The following ZNF45 variants were observed in gnomAD, a reference collection of about 807,000 sequenced individuals.
ZNF45 encodes the protein zinc finger protein 45.
Under a neutral mutation model 12.0 loss-of-function variants are expected in ZNF45, and 4 were observed. That is an observed-to-expected ratio of 0.33 (90% confidence interval 0.16 to 0.76). ZNF45 has a LOEUF of 0.76. Ranked by LOEUF, ZNF45 falls within the 30% of genes least tolerant of loss-of-function variation. The pLI, the probability that ZNF45 is intolerant of heterozygous loss-of-function variation, is 0.60. For synonymous variants in ZNF45, 272 were observed against 279.6 expected, an observed-to-expected ratio of 0.97 and a Z score of 0.27; for missense variants, 700 against 813.0, an observed-to-expected ratio of 0.86 and a Z score of 1.69.
At chr19:43,920,664 G>A (rs953839352) in intron 7 of ZNF45, among the ~76,000 whole-genome samples, 7 of 139,240 alleles carry the variant, frequency 5.0e-5, no homozygotes, top group East Asian at 4.5e-4. Context: ...GCAGTGGTAC[G>A]ATCTTAGCTC....
intron 9 of ZNF45, among the ~76,000 whole-genome samples, chr19:43,916,384 AGGATTATAGC>A (rs1972679411): frequency 6.6e-6 from 1 of 152,130 alleles, no homozygotes; most frequent in Non-Finnish European, 1.5e-5. Context: ...TCAAAGTGTT[AGGATTATAGC>A]TGTGAGCCCC....
intron 6 of ZNF45, among the ~76,000 whole-genome samples, chr19:43,923,060 A>C (rs143587312): frequency 1.3e-5 from 2 of 152,200 alleles, no homozygotes; most frequent in East Asian, 3.9e-4. Flanking sequence ...TCCTGAGCTC[A>C]AGTGATCCTC....
chr19:43,920,853 C>T (rs904631618), intron 7 of ZNF45, among the ~76,000 whole-genome samples: 2 of 152,060 alleles, frequency 1.3e-5, no homozygotes, highest in East Asian at 1.9e-4. Context: ...CCACCTGTCT[C>T]GGCCTCAGAA....
At chr19:43,919,007 G>A in intron 8 of ZNF45, 45 bp from the exon 9 acceptor site, 1 of 1,516,902 alleles carries the variant, frequency 6.6e-7, no homozygotes, top group Non-Finnish European at 9.1e-7. Context: ...TACATCAGAA[G>A]CCAAAATTAC....
rs1972355750 is a variant in ZNF45 at position 43,913,368 on chromosome 19, T to C, written c.*19A>G. Reference sequence around the variant, plus strand: ...TTATTAAAATATTTCAGCACCCATCTGAGATAGTAAAACATATTTTATCGA... The same window carrying C: ...TTATTAAAATATTTCAGCACCCATCCGAGATAGTAAAACATATTTTATCGA... On this transcript the variant is annotated 3_prime_UTR_variant, in exon 10 of 10. Coordinates refer to ENST00000269973, the MANE Select transcript of ZNF45 (RefSeq NM_003425.4). The C allele has an allele frequency of 6.6e-7, 1 of 1,523,520 alleles. No individual in the cohort carries two copies. Among genetic ancestry groups the C allele is most frequent in the Non-Finnish European group, 8.8e-7 (1 of 1,137,074 alleles). The allele number at this position is 1,523,520 out of a possible 1,614,324, so 94.4% of individuals were successfully genotyped here. A position where few individuals can be genotyped will look rare whatever the true frequency, so the allele number is the denominator to read the frequency against.
rs563027527 is a variant in ZNF45 at position 43,934,411 on chromosome 19, C to T, written c.-487+15G>A. On this transcript the variant is annotated intron_variant, in intron 2 of 9. Coordinates refer to ENST00000269973, the MANE Select transcript of ZNF45 (RefSeq NM_003425.4). ...AACACTTCTGTAGCAGAAACATTTG[C>T]AAGGAATGAAATACCTTCTCGCACT... 1 of 152,322 alleles carries T rather than the reference C, an allele frequency of 6.6e-6. No individual in the cohort carries two copies. Among genetic ancestry groups the T allele is most frequent in the South Asian group, 2.1e-4 (1 of 4,832 alleles). The allele number at this position is 152,322 out of a possible 1,614,324, so 9.4% of individuals were successfully genotyped here.
chr19:43,934,705 CAGAA>C lies in ZNF45; in HGVS notation c.-755-15_-755-12del, dbSNP rs1163234462. 3.3e-5 allele frequency: 5 copies of C among 152,186 alleles called. No homozygotes were observed. In the South Asian group the frequency reaches 8.3e-4, roughly 25 times the overall value. 9.4% of individuals were successfully genotyped at this position (152,186 alleles called of 1,614,324 possible). On this transcript the variant is annotated splice_polypyrimidine_tract_variant and intron_variant, in intron 1 of 9. Coordinates refer to ENST00000269973, the MANE Select transcript of ZNF45 (RefSeq NM_003425.4). ...GAACAGCCTCCTTTCCTGCAGGAAT[CAGAA>C]AGAAGAGCCAGGCGCTTGCTGAAAA...
At chr19:43,934,188 T>C (rs1428841156) in intron 2 of ZNF45, among the ~76,000 whole-genome samples, 2 of 152,212 alleles carry the variant, frequency 1.3e-5, no homozygotes, top group African/African-American at 4.8e-5. Context: ...TCCTCATCTG[T>C]ATAATTGGTG....
In ZNF45 at chr19:43,921,219, A is replaced by G. The variant is rs116640164; in HGVS notation, c.15+952T>C. On this transcript the variant is annotated intron_variant, in intron 7 of 9. Transcript: ENST00000269973. ...ATGTGAAACTAAGCAACTTTCCACAATTCTACAGTCTTGTTTCTTTGTAAT... is the reference window on the plus strand; with the variant it reads ...ATGTGAAACTAAGCAACTTTCCACAGTTCTACAGTCTTGTTTCTTTGTAAT... 7.0e-3 allele frequency among the ~76,000 whole-genome samples: 1,072 copies of G among 152,346 alleles called. 4 individuals carry two copies. The highest frequency in any genetic ancestry group is 0.023 in the African/African-American group (973 of 41,574).
chr19:43,922,830 T>TTG (rs1555747350), intron 6 of ZNF45, among the ~76,000 whole-genome samples: 3 of 141,764 alleles, frequency 2.1e-5, no homozygotes, highest in East Asian at 2.1e-4. Context: ...GTTTTTTTTT[T>TTG]TTTTTTTTTT....
chr19:43,920,548 C>A (rs1458422590), intron 7 of ZNF45, among the ~76,000 whole-genome samples: 1 of 35,288 alleles, frequency 2.8e-5, no homozygotes, highest in East Asian at 1.1e-3. Context: ...GGGGGGGGGG[C>A]AGTGGGCGGT....
At position 43,924,423 on chromosome 19, in the gene ZNF45, A is replaced by G. The variant is rs574818009; in HGVS notation, c.-127T>C. On this transcript the variant is annotated 5_prime_UTR_variant, in exon 5 of 10. The change abolishes the stop of an existing upstream ORF in the 5' untranslated region. Coordinates refer to ENST00000269973, the MANE Select transcript of ZNF45 (RefSeq NM_003425.4). ...GTACCTGGCATTTTAGGGAGTTCTC[A>G]ACAGATGATAATGACGACAATTGTA... is the stretch of plus-strand genomic sequence containing the variant. 6.6e-6 allele frequency: 1 copy of G among 152,234 alleles called. No homozygotes were observed. Among genetic ancestry groups the G allele is most frequent in the African/African-American group, 2.4e-5 (1 of 41,456 alleles). 9.4% of individuals were successfully genotyped at this position (152,234 alleles called of 1,614,324 possible).
intron 6 of ZNF45, among the ~76,000 whole-genome samples, chr19:43,923,578 G>C (rs905304242): frequency 1.3e-5 from 2 of 152,032 alleles, no homozygotes; most frequent in Non-Finnish European, 2.9e-5. Flanking sequence ...TGTGGATAAG[G>C]GGGGACTACT....
chr19:43,917,857 C>T (rs921997130), intron 9 of ZNF45, among the ~76,000 whole-genome samples: 4 of 152,222 alleles, frequency 2.6e-5, no homozygotes, highest in Non-Finnish European at 5.9e-5. Context: ...AGGGCAATTT[C>T]CCTATTTTGC....
At chr19:43,923,921 G>C (rs905134995) in intron 6 of ZNF45, among the ~76,000 whole-genome samples, 4 of 141,480 alleles carry the variant, frequency 2.8e-5, no homozygotes, top group African/African-American at 1.1e-4. Flanking sequence ...TTGAGGCCAA[G>C]AGTTCAAGAC....
At position 43,914,322 on chromosome 19, in the gene ZNF45, C is replaced by G; in HGVS notation, c.1114G>C (p.Gly372Arg). 6.2e-7 allele frequency: 1 copy of G among 1,610,696 alleles called. No individual in the cohort carries two copies. The highest frequency in any genetic ancestry group is 2.2e-5 in the East Asian group (1 of 44,562). ...ATCTGATGGGCCTGAAGGTGTGAAC[C>G]CACACTGAAACCTTTCCCACACTCC... ...CEECGKGFSV[G>R]SHLQAHQISH... Residue 372 changes from glycine (G) to arginine (R), a missense_variant, in exon 10 of 10, where the codon GGT becomes CGT. Gly to Arg is a moderately radical substitution (Grantham distance 125). Coordinates refer to ENST00000269973, the MANE Select transcript of ZNF45 (RefSeq NM_003425.4).
At chr19:43,925,177 G>C (rs1239115178) in intron 4 of ZNF45, 148 bp downstream of exon 4, 1 of 152,224 alleles carries the variant, frequency 6.6e-6, no homozygotes, top group Non-Finnish European at 1.5e-5. Context: ...GAACCAGTAA[G>C]AGTGGCCTCA....
intron 7 of ZNF45, among the ~76,000 whole-genome samples, chr19:43,920,535 T>TGGGGGGGGGGGG (rs386389071): frequency 4.5e-5 from 1 of 22,346 alleles, no homozygotes; most frequent in Non-Finnish European, 1.2e-4. Context: ...TGTTGCCGGG[T>TGGGGGGGGGGGG]GGGGGGGGGG....
chr19:43,918,367 G>C (rs1452933716), intron 9 of ZNF45, among the ~76,000 whole-genome samples: 1 of 152,174 alleles, frequency 6.6e-6, no homozygotes, highest in Non-Finnish European at 1.5e-5. Flanking sequence ...CTCAATGTGT[G>C]TGCCCTTGCC....
Sources: gnomAD v4.1 joint callset for allele counts (sites outside exome capture counted in the v4.1 genomes callset) on GRCh38, gnomAD v4.1.1 for gene constraint, MANE v1.5 for transcripts, NCBI Gene and HGNC (gene_info 2026-07-23, HGNC 2026-07-21) for gene names.